The following MEOX1 variants were observed in gnomAD, a reference collection of about 807,000 sequenced individuals.
MEOX1 encodes mesenchyme homeobox 1.
Under a neutral mutation model 23.2 loss-of-function variants are expected in MEOX1, and 17 were observed. That is an observed-to-expected ratio of 0.73 (90% CI 0.50 to 1.10). The LOEUF (loss-of-function observed/expected upper bound fraction) is 1.10, where lower values mean the gene tolerates loss of function less well. MEOX1 is among the 50% of genes least tolerant of loss of function. The pLI, the probability that MEOX1 is intolerant of heterozygous loss-of-function variation, is 0.00. For missense variants in MEOX1, 333 were observed against 332.2 expected, an observed-to-expected ratio of 1.00 and a Z score of -0.02; for synonymous variants, 134 against 135.1, an observed-to-expected ratio of 0.99 and a Z score of 0.06.
chr17:43,642,077 G>A (rs754855957), intron 2 of MEOX1, 45 bp from the exon 3 acceptor site: 1 of 1,581,632 alleles, frequency 6.3e-7, no homozygotes, highest in South Asian at 1.2e-5. Flanking sequence ...GGGCCGGTGT[G>A]ACCTCCTCCC....
intron 1 of MEOX1, among the ~76,000 whole-genome samples, chr17:43,644,283 T>A (rs1972761723): frequency 6.6e-6 from 1 of 152,198 alleles, no homozygotes; most frequent in Admixed American, 6.5e-5. Context: ...CTGAAGGATC[T>A]CAGGCCTGCC....
chr17:43,657,915 A>G (rs1465945497), intron 1 of MEOX1, among the ~76,000 whole-genome samples: 1 of 152,232 alleles, frequency 6.6e-6, no homozygotes, highest in Admixed American at 6.5e-5. Flanking sequence ...ACTATGTGCC[A>G]GGCACAGAGT....
chr17:43,643,593 G>A lies in MEOX1; in HGVS notation c.537C>T (p.Thr179=), dbSNP rs367598655. 43 of 1,613,254 alleles carry A rather than the reference G, an allele frequency of 2.7e-5. No homozygotes were observed. Among genetic ancestry groups the A allele is most frequent in the Admixed American group, 1.3e-4 (8 of 59,906 alleles). Residue 179 remains threonine (T), a synonymous_variant, in exon 2 of 3, where the codon ACC becomes ACT. Coordinates refer to ENST00000318579, the MANE Select transcript of MEOX1 (RefSeq NM_004527.4). ...SKARKERTAF[T]KEQLRELEAE... ...CCTCCAGCTCTCGCAGCTGCTCCTT[G>A]GTGAAGGCCGTCCTCTCCTTGCGGG...
chr17:43,659,299 T>G (rs951229277), intron 1 of MEOX1, among the ~76,000 whole-genome samples: 5 of 152,196 alleles, frequency 3.3e-5, no homozygotes, highest in Admixed American at 2.0e-4. Flanking sequence ...GAGTTGCTTC[T>G]CATCCTTAGC....
chr17:43,658,117 C>T (rs532144694), intron 1 of MEOX1, among the ~76,000 whole-genome samples: 6 of 152,362 alleles, frequency 3.9e-5, no homozygotes, highest in East Asian at 3.9e-4. Flanking sequence ...CTATGGAAAA[C>T]GCGTTTCTGA....
At chr17:43,642,166 T>C in intron 2 of MEOX1, 134 bp from the exon 3 acceptor site, 1 of 902,850 alleles carries the variant, frequency 1.1e-6, no homozygotes, top group Non-Finnish European at 1.7e-6. Flanking sequence ...CCCTACTCCC[T>C]CAAAGGCCCC....
At chr17:43,653,981 G>C (rs1347510400) in intron 1 of MEOX1, among the ~76,000 whole-genome samples, 1 of 152,144 alleles carries the variant, frequency 6.6e-6, no homozygotes, top group Admixed American at 6.6e-5. Context: ...TTCACTAAAG[G>C]GGTTTTCAAC....
At chr17:43,644,437 G>A (rs1003251394) in intron 1 of MEOX1, among the ~76,000 whole-genome samples, 2 of 150,358 alleles carry the variant, frequency 1.3e-5, no homozygotes, top group African/African-American at 4.8e-5. Flanking sequence ...CTCTGTGCCA[G>A]GTGCTGTACC....
chr17:43,659,151 GGCTCTTGGCTTTGCTATCCCTTCCCAAT>G lies in MEOX1; in HGVS notation c.469+1887_469+1914del, dbSNP rs374008840. ...TGGAAGATTCTGCCTGAGCCCAGCA[GGCTCTTGGCTTTGCTATCCCTTCCCAAT>G]GCCCTTGGCTGTCAGTTCTCTGGAA... On this transcript the variant is annotated intron_variant, in intron 1 of 2. Transcript: ENST00000318579. 4.8e-3 allele frequency among the ~76,000 whole-genome samples: 730 copies of G among 152,344 alleles called. 4 individuals are homozygous for G. The highest frequency in any genetic ancestry group is 0.02 in the Middle Eastern group (6 of 294).
intron 1 of MEOX1, among the ~76,000 whole-genome samples, chr17:43,657,012 C>CTCTTTCTTTCTTTCTT (rs3034954): frequency 0.053 from 5,514 of 104,776 alleles, 281 homozygotes; most frequent in East Asian, 0.12. Context: ...TTCTTTCTTT[C>CTCTTTCTTTCTTTCTT]TCTTTCTTTC....
chr17:43,649,340 C>T (rs1263494173), intron 1 of MEOX1, among the ~76,000 whole-genome samples: 1 of 141,904 alleles, frequency 7.0e-6, no homozygotes, highest in Non-Finnish European at 1.5e-5. Flanking sequence ...TTTGGTCACC[C>T]AGGCTGGAGA....
Position 43,641,934 on chromosome 17 carries a change from G to A in MEOX1, c.741C>T (p.Ser247=). ...PNGQDPEDGD[S]TASPSSE is the part of the protein sequence containing the mutation. ...CTCACTCTGAACTTGGAGAGGCTGT[G>A]GAGTCCCCATCCTCAGGGTCCTGCC... Residue 247 remains serine, a synonymous_variant, in exon 3 of 3, where the codon TCC becomes TCT. Transcript: ENST00000318579. 2 of 1,613,840 alleles carry A rather than the reference G, an allele frequency of 1.2e-6. No homozygotes were observed. Among genetic ancestry groups the A allele is most frequent in the Non-Finnish European group, 1.7e-6 (2 of 1,179,882 alleles).
At chr17:43,652,511 A>G (rs1972936068) in intron 1 of MEOX1, among the ~76,000 whole-genome samples, 1 of 152,158 alleles carries the variant, frequency 6.6e-6, no homozygotes, top group South Asian at 2.1e-4. Flanking sequence ...CTCTGATATC[A>G]TTTAGTCTCA....
intron 2 of MEOX1, among the ~76,000 whole-genome samples, chr17:43,642,331 G>A (rs1160967522): frequency 1.3e-5 from 2 of 152,022 alleles, no homozygotes; most frequent in Non-Finnish European, 2.9e-5. Context: ...AGGTCCCCCT[G>A]CCCCCTACCT....
intron 1 of MEOX1, among the ~76,000 whole-genome samples, chr17:43,653,803 C>A (rs111345350): frequency 1.3e-5 from 2 of 152,158 alleles, no homozygotes; most frequent in Non-Finnish European, 2.9e-5. Flanking sequence ...CCACCGCACC[C>A]GGCCAACTGC....
chr17:43,660,935 C>G (rs1973125965), intron 1 of MEOX1, 131 bp downstream of exon 1: 1 of 533,000 alleles, frequency 1.9e-6, no homozygotes, highest in South Asian at 5.0e-5. Context: ...CCAAAGGTAA[C>G]TGGTCCAGTC....
chr17:43,654,886 A>G (rs1972986001), intron 1 of MEOX1, among the ~76,000 whole-genome samples: 1 of 151,870 alleles, frequency 6.6e-6, no homozygotes, highest in African/African-American at 2.4e-5. Context: ...CCCCGTCTCT[A>G]CTAAAAATAC....
At chr17:43,658,946 A>T (rs1170240025) in intron 1 of MEOX1, among the ~76,000 whole-genome samples, 3 of 152,140 alleles carry the variant, frequency 2.0e-5, no homozygotes, top group African/African-American at 7.2e-5. Context: ...GCCCCTGCGG[A>T]TGGGAACCTC....
chr17:43,647,573 GGTC>G (rs1972834081), intron 1 of MEOX1, among the ~76,000 whole-genome samples: 1 of 152,164 alleles, frequency 6.6e-6, no homozygotes, highest in Non-Finnish European at 1.5e-5. Flanking sequence ...CCCTTCCAGA[GGTC>G]CTGGGGTCAC....
Sources: gnomAD v4.1 joint callset for allele counts (sites outside exome capture counted in the v4.1 genomes callset) on GRCh38, gnomAD v4.1.1 for gene constraint, MANE v1.5 for transcripts, NCBI Gene and HGNC (gene_info 2026-07-23, HGNC 2026-07-21) for gene names.